COL23A1: variants seen among roughly 807,000 people sequenced by gnomAD.
COL23A1 encodes collagen type XXIII alpha 1 chain.
A neutral mutation model predicts 99.3 loss-of-function variants in COL23A1; 97 were observed. That is an observed-to-expected ratio of 0.98 (90% CI 0.83 to 1.16). The LOEUF (loss-of-function observed/expected upper bound fraction) is 1.16. Among genes scored for constraint, COL23A1 ranks in the 50% most tolerant of loss-of-function variants. COL23A1 has a pLI of 0.00. For synonymous variants in COL23A1, 320 were observed against 308.2 expected, an observed-to-expected ratio of 1.04 and a Z score of -0.40; for missense variants, 762 against 757.4, an observed-to-expected ratio of 1.01 and a Z score of -0.07.
In COL23A1 at chr5:178,478,974, C is replaced by A. The variant is rs928987110; in HGVS notation, c.361+81708G>T. Among the ~76,000 whole-genome samples the A allele has an allele frequency of 1.4e-4, 21 of 152,248 alleles. No homozygotes were observed. The East Asian group carries it at 3.7e-3, about 27-fold the overall frequency. On this transcript the variant is annotated intron_variant, in intron 2 of 28. Transcript: ENST00000390654. Reference sequence around the variant, plus strand: ...TGTCAGTGTGAGAAGAGGAGCTACTCCTAAAAACATTGAGTTTTCTTGTCA... The same window carrying A: ...TGTCAGTGTGAGAAGAGGAGCTACTACTAAAAACATTGAGTTTTCTTGTCA...
At chr5:178,332,180 G>A (rs1026786989) in intron 2 of COL23A1, among the ~76,000 whole-genome samples, 6 of 152,214 alleles carry the variant, frequency 3.9e-5, no homozygotes, top group African/African-American at 1.4e-4. Flanking sequence ...TCCAGAGCTT[G>A]GAGTGGTCGT....
chr5:178,335,525 C>A (rs1220260374), intron 2 of COL23A1, among the ~76,000 whole-genome samples: 2 of 152,190 alleles, frequency 1.3e-5, no homozygotes, highest in Non-Finnish European at 2.9e-5. Context: ...TGGGCATGTA[C>A]CAGATATTCC....
intron 2 of COL23A1, among the ~76,000 whole-genome samples, chr5:178,453,530 C>T (rs1767604715): frequency 6.6e-6 from 1 of 152,098 alleles, no homozygotes; most frequent in African/African-American, 2.4e-5. Flanking sequence ...CCTGAAGCAC[C>T]CACGCTTCAG....
chr5:178,355,484 A>G (rs1359021684), intron 2 of COL23A1, among the ~76,000 whole-genome samples: 2 of 152,220 alleles, frequency 1.3e-5, no homozygotes, highest in Non-Finnish European at 2.9e-5. Context: ...CTGTTCTCGC[A>G]TTGCTATAAA....
intron 5 of COL23A1, among the ~76,000 whole-genome samples, chr5:178,287,366 C>A (rs975180239): frequency 7.2e-5 from 11 of 152,236 alleles, no homozygotes; most frequent in Non-Finnish European, 1.3e-4. Context: ...CCCAGAGTTA[C>A]CACCAAGTCC....
intron 2 of COL23A1, among the ~76,000 whole-genome samples, chr5:178,467,786 C>A (rs866869740): frequency 4.8e-4 from 73 of 152,196 alleles, no homozygotes; most frequent in African/African-American, 1.7e-3. Flanking sequence ...AACAAAAAAC[C>A]AGTTCCACTT....
At chr5:178,408,973 A>ATACACAC (rs1189863769) in intron 2 of COL23A1, among the ~76,000 whole-genome samples, 3 of 61,918 alleles carry the variant, frequency 4.8e-5, no homozygotes, top group African/African-American at 7.1e-5. Context: ...AAAAAAAAAA[A>ATACACAC]ATACACACAC....
intron 12 of COL23A1, among the ~76,000 whole-genome samples, chr5:178,259,376 C>A (rs1227353163): frequency 6.6e-6 from 1 of 152,200 alleles, no homozygotes; most frequent in Admixed American, 6.5e-5. Context: ...GGCCCCATCC[C>A]AGAGTCTCTG....
At chr5:178,562,578 A>C (rs76569222) in intron 1 of COL23A1, 1 of 152,124 alleles carries the variant, frequency 6.6e-6, no homozygotes, top group Non-Finnish European at 1.5e-5. Context: ...AAAAAAAAAA[A>C]AAAGAATGGA....
chr5:178,463,188 C>A (rs1179682797), intron 2 of COL23A1, among the ~76,000 whole-genome samples: 1 of 152,154 alleles, frequency 6.6e-6, no homozygotes, highest in African/African-American at 2.4e-5. Context: ...AGCTGCATAC[C>A]CTTAAGCTAC....
intron 4 of COL23A1, among the ~76,000 whole-genome samples, chr5:178,289,148 C>T (rs1757318498): frequency 6.6e-6 from 1 of 151,970 alleles, no homozygotes; most frequent in African/African-American, 2.4e-5. Flanking sequence ...GCTGCATGCA[C>T]CGAGAAGCCC....
intron 2 of COL23A1, among the ~76,000 whole-genome samples, chr5:178,498,216 A>ATT (rs1758305357): frequency 2.8e-5 from 1 of 35,446 alleles, no homozygotes; most frequent in Non-Finnish European, 4.4e-5. Flanking sequence ...ATATATATAT[A>ATT]TATATATATA....
chr5:178,304,199 G>T (rs1405339072), intron 3 of COL23A1, among the ~76,000 whole-genome samples: 1 of 152,066 alleles, frequency 6.6e-6, no homozygotes. Context: ...GCCGGGCACT[G>T]CCCTACCTGG....
At chr5:178,253,636 C>G (rs1352815767) in intron 16 of COL23A1, among the ~76,000 whole-genome samples, 1 of 151,918 alleles carries the variant, frequency 6.6e-6, no homozygotes, top group Non-Finnish European at 1.5e-5. Flanking sequence ...GCGCGCACCA[C>G]CATGCCCGGC....
chr5:178,447,176 C>G (rs910186221), intron 2 of COL23A1, among the ~76,000 whole-genome samples: 1 of 151,994 alleles, frequency 6.6e-6, no homozygotes, highest in Non-Finnish European at 1.5e-5. Context: ...TCACTGCAAC[C>G]TCCATCTCCC....
At position 178,384,171 on chromosome 5, in the gene COL23A1, G is replaced by A. The variant is rs1176438360; in HGVS notation, c.362-77252C>T. Among the ~76,000 whole-genome samples the A allele has an allele frequency of 6.6e-6, 1 of 152,158 alleles. No homozygotes were observed. The highest frequency in any genetic ancestry group is 6.5e-5 in the Admixed American group (1 of 15,286). ...CGAGAAGACCGAGAGGCAGGGTCAG[G>A]GGCGGCACTTTTAAGATAGTGACAA... On this transcript the variant is annotated intron_variant, in intron 2 of 28. Transcript: ENST00000390654. This position sits in a 1 kb window ranked among gnomAD's most constrained non-coding sequence, Gnocchi z 5.5.
chr5:178,416,718 G>A (rs1765331553), intron 2 of COL23A1, among the ~76,000 whole-genome samples: 1 of 152,196 alleles, frequency 6.6e-6, no homozygotes, highest in African/African-American at 2.4e-5. Context: ...TAAATAACTT[G>A]TCCAAGGTCA....
intron 2 of COL23A1, among the ~76,000 whole-genome samples, chr5:178,334,858 C>G (rs1760235048): frequency 6.6e-6 from 1 of 152,230 alleles, no homozygotes; most frequent in Non-Finnish European, 1.5e-5. Flanking sequence ...AAAGAGGTGG[C>G]TTTCTTAGTG....
chr5:178,325,103 G>C (rs1759571260), intron 2 of COL23A1, among the ~76,000 whole-genome samples: 1 of 152,230 alleles, frequency 6.6e-6, no homozygotes, highest in Non-Finnish European at 1.5e-5. Context: ...GTCAGGAAGA[G>C]AAAGAACCAG....
Sources: gnomAD v4.1 joint callset for allele counts (sites outside exome capture counted in the v4.1 genomes callset) on GRCh38, gnomAD v4.1.1 for gene constraint, Gnocchi (gnomAD v3.1) non-coding constraint, MANE v1.5 for transcripts, NCBI Gene and HGNC (gene_info 2026-07-23, HGNC 2026-07-21) for gene names.